Variants in SPPL2B observed in about 807,000 individuals in gnomAD.
SPPL2B encodes signal peptide peptidase like 2B.
A neutral mutation model predicts 59.7 loss-of-function variants in SPPL2B; 39 were observed. That is an observed-to-expected ratio of 0.65 (90% CI 0.51 to 0.85). The LOEUF is 0.85. Among genes scored for constraint, SPPL2B ranks in the 40% least tolerant of loss-of-function variants. The pLI, the probability that SPPL2B is intolerant of heterozygous loss-of-function variation, is 0.00. For synonymous variants in SPPL2B, 419 were observed against 370.8 expected (o/e 1.13, Z -1.49); for missense variants, 865 against 849.0 (o/e 1.02, Z -0.23).
intron 12 of SPPL2B, among the ~76,000 whole-genome samples, chr19:2,344,894 C>G (rs1008182434): frequency 2.0e-5 from 3 of 152,154 alleles, no homozygotes; most frequent in African/African-American, 7.2e-5. Flanking sequence ...TGCAGACAGC[C>G]TCACCCCATC....
chr19:2,334,457 CGA>C, intron 1 of SPPL2B, 143 bp from the exon 2 acceptor site: 1 of 1,101,638 alleles, frequency 9.1e-7, no homozygotes, highest in Non-Finnish European at 1.3e-6. Context: ...TCTGTCCTGT[CGA>C]GAGGGGGAAG....
chr19:2,353,162 G>A lies in SPPL2B; in HGVS notation c.1732G>A (p.Asp578Asn). The A allele has an allele frequency of 6.2e-7, 1 of 1,609,448 alleles. No individual in the cohort carries two copies. Among genetic ancestry groups the A allele is most frequent in the South Asian group, 1.1e-5 (1 of 91,004 alleles). Residue 578 changes from aspartate to asparagine, a missense_variant, in exon 15 of 15, where the codon GAC becomes AAC. By Grantham distance (23) the Asp-to-Asn change is conservative (BLOSUM62 1). Coordinates refer to ENST00000613503, the MANE Select transcript of SPPL2B (RefSeq NM_152988.3). ...PGSPAESEGRDQAQPSPVTQP... is the reference protein window; with the variant it reads ...PGSPAESEGRNQAQPSPVTQP... ...GAGCCCAGCTGAATCCGAGGGCCGG[G>A]ACCAGGCCCAGCCGTCCCCGGTAAC...
chr19:2,343,405 C>T, intron 9 of SPPL2B, 113 bp downstream of exon 9: 1 of 923,978 alleles, frequency 1.1e-6, no homozygotes, highest in Non-Finnish European at 1.7e-6. Context: ...TGCTCACTGC[C>T]CTGGGGATGG....
intron 8 of SPPL2B, chr19:2,342,258 G>A (rs570963602): frequency 6.5e-6 from 1 of 152,722 alleles, no homozygotes; most frequent in Non-Finnish European, 1.5e-5. Flanking sequence ...TTGTGCAGGA[G>A]GCAGTTCTGT....
In SPPL2B at chr19:2,331,338, C is replaced by T. The variant is rs575414024; in HGVS notation, c.66+2563C>T. Reference sequence around the variant, plus strand: ...TCTGAACCTGTGTGCGGTTGCAAAGCGTTTGTGCTGCAATTGTGAAGGATT... The same window carrying T: ...TCTGAACCTGTGTGCGGTTGCAAAGTGTTTGTGCTGCAATTGTGAAGGATT... On this transcript the variant is annotated intron_variant, in intron 1 of 14. Transcript: ENST00000613503. Among the ~76,000 whole-genome samples the T allele has an allele frequency of 8.5e-5, 13 of 152,348 alleles. No individual in the cohort carries two copies. In the South Asian group the frequency reaches 2.7e-3, roughly 32 times the overall value.
chr19:2,335,031 G>A (rs947046463), intron 2 of SPPL2B, among the ~76,000 whole-genome samples: 1 of 152,098 alleles, frequency 6.6e-6, no homozygotes, highest in Admixed American at 6.5e-5. Context: ...GGTCCTCAGA[G>A]GAGTAACAGC....
At chr19:2,335,272 C>T (rs367662446) in intron 2 of SPPL2B, among the ~76,000 whole-genome samples, 2 of 142,460 alleles carry the variant, frequency 1.4e-5, no homozygotes, top group Admixed American at 7.0e-5. Flanking sequence ...GGCCCCGCCT[C>T]CTTTCCCACT....
chr19:2,345,222 C>T (rs373326200), intron 12 of SPPL2B, 31 bp from the exon 13 acceptor site: 114 of 1,605,158 alleles, frequency 7.1e-5, no homozygotes, highest in East Asian at 5.8e-4. Flanking sequence ...TCTGCGGGCC[C>T]GAGTAAGCCT....
At position 2,353,562 on chromosome 19, in the gene SPPL2B, C is replaced by T; in HGVS notation, c.*353C>T. 2 of 267,054 alleles carry T rather than the reference C, an allele frequency of 7.5e-6. No homozygotes were observed. Among genetic ancestry groups the T allele is most frequent in the Non-Finnish European group, 1.4e-5 (2 of 139,846 alleles). 16.5% of individuals were successfully genotyped at this position (267,054 alleles called of 1,614,324 possible). A position where few individuals can be genotyped will look rare whatever the true frequency, so the allele number is the denominator to read the frequency against. On this transcript the variant is annotated 3_prime_UTR_variant, in exon 15 of 15. Coordinates refer to ENST00000613503, the MANE Select transcript of SPPL2B (RefSeq NM_152988.3). ...AGGCGTGGGTGGACTCTGGCCGCGG[C>T]CACACTTGGTGCTCACCAGCTGCTT...
rs1293008932 is a variant in SPPL2B, at chr19:2,348,174, T to A, written c.1354+2844T>A. Among the ~76,000 whole-genome samples, 22 of 76,076 alleles carry A rather than the reference T, an allele frequency of 2.9e-4. 3 individuals are homozygous for A. The highest frequency in any genetic ancestry group is 3.1e-4 in the African/African-American group (5 of 16,020). The allele number at this position is 76,076 out of a possible 152,430, so 49.9% of individuals were successfully genotyped here. A position where few individuals can be genotyped will look rare whatever the true frequency, so the allele number is the denominator to read the frequency against. On this transcript the variant is annotated intron_variant, in intron 13 of 14. Coordinates refer to ENST00000613503, the MANE Select transcript of SPPL2B (RefSeq NM_152988.3). ...GATTCCGTTCTCTCTCCACACACACTCGCGCTCTCATTCGCTTGATTCCGT... is the reference window on the plus strand; with the variant it reads ...GATTCCGTTCTCTCTCCACACACACACGCGCTCTCATTCGCTTGATTCCGT...
At position 2,331,116 on chromosome 19, in the gene SPPL2B, C is replaced by G. The variant is rs1033679472; in HGVS notation, c.66+2341C>G. Among the ~76,000 whole-genome samples, 9 of 152,306 alleles carry G rather than the reference C, an allele frequency of 5.9e-5. No individual in the cohort carries two copies. In the South Asian group the frequency reaches 8.3e-4, roughly 14 times the overall value. On this transcript the variant is annotated intron_variant, in intron 1 of 14. Coordinates refer to ENST00000613503, the MANE Select transcript of SPPL2B (RefSeq NM_152988.3). ...TCCCCAGTGAGACACCTCCCTTCCC[C>G]CACCCCACGGAGCCCGCTCCTCAGC...
chr19:2,341,074 C>A, intron 8 of SPPL2B, 60 bp downstream of exon 8: 1 of 1,219,762 alleles, frequency 8.2e-7, no homozygotes, highest in Non-Finnish European at 1.2e-6. Flanking sequence ...CACCAGGGCT[C>A]CTGGGGCCCT....
rs974013115 is a variant in SPPL2B at position 2,344,601 on chromosome 19, C to A, written c.1225C>A (p.Leu409Met). The A allele has an allele frequency of 6.2e-7, 1 of 1,613,192 alleles. No homozygotes were observed. The highest frequency in any genetic ancestry group is 1.3e-5 in the African/African-American group (1 of 74,908). Residue 409 changes from leucine (L) to methionine (M), a missense_variant, in exon 12 of 15, where the codon CTG becomes ATG. Leu to Met is a conservative substitution (Grantham distance 15, BLOSUM62 2). Transcript: ENST00000613503. ...CAGGCTGAACTCCTCACCTCTGGCC[C>A]TGTGTGACCGGCCCTTCTCCCTCCT... ...VPRLNSSPLA[L>M]CDRPFSLLGF...
chr19:2,337,697 A>G (rs1968737735), intron 3 of SPPL2B, 72 bp downstream of exon 3: 5 of 1,411,760 alleles, frequency 3.5e-6, no homozygotes, highest in Non-Finnish European at 2.8e-6. Context: ...CAGAGATGGC[A>G]GCAGCTGGGG....
At chr19:2,337,682 G>C in intron 3 of SPPL2B, 57 bp downstream of exon 3, 2 of 1,468,996 alleles carry the variant, frequency 1.4e-6, no homozygotes, top group Non-Finnish European at 1.8e-6. Flanking sequence ...GGGGGGTGCA[G>C]GAGGCAGAGA....
chr19:2,351,630 C>T (rs777092356), intron 14 of SPPL2B, 36 bp downstream of exon 14: 14 of 1,583,252 alleles, frequency 8.8e-6, no homozygotes, highest in Non-Finnish European at 3.4e-6. Flanking sequence ...GAGAAATACT[C>T]GCCTAGTGAG....
At chr19:2,338,635 C>G (rs1968797907) in intron 3 of SPPL2B, 117 bp from the exon 4 acceptor site, 1 of 666,870 alleles carries the variant, frequency 1.5e-6, no homozygotes, top group Non-Finnish European at 2.6e-6. Context: ...AGCAGGCGCC[C>G]CCAGCCTGAC....
chr19:2,339,077 C>A lies in SPPL2B; in HGVS notation c.468C>A (p.Gly156=). The A allele has an allele frequency of 1.9e-6, 3 of 1,557,848 alleles. No homozygotes were observed. The highest frequency in any genetic ancestry group is 1.4e-5 in the African/African-American group (1 of 73,530). Reference sequence around the variant, plus strand: ...TGTGTTCCTTGAGGCAGCGTTTCGGCCGCACGGTGAGGGCGGCGCTGTATG... The same window carrying A: ...TGTGTTCCTTGAGGCAGCGTTTCGGACGCACGGTGAGGGCGGCGCTGTATG... ...KDMLDIFTRF[G]RTVRAALYAP... Residue 156 remains glycine, a synonymous_variant, in exon 5 of 15, where the codon GGC becomes GGA. Coordinates refer to ENST00000613503, the MANE Select transcript of SPPL2B (RefSeq NM_152988.3).
At chr19:2,336,551 G>A (rs545275913) in intron 2 of SPPL2B, among the ~76,000 whole-genome samples, 51 of 152,164 alleles carry the variant, frequency 3.4e-4, no homozygotes, top group African/African-American at 1.2e-3. Context: ...GTATGCATGT[G>A]TGTGTAATAG....
Sources: gnomAD v4.1 joint callset for allele counts (sites outside exome capture counted in the v4.1 genomes callset) on GRCh38, gnomAD v4.1.1 for gene constraint, MANE v1.5 for transcripts, NCBI Gene and HGNC (gene_info 2026-07-23, HGNC 2026-07-21) for gene names.